The following LSAMP variants were observed in gnomAD, a reference collection of about 807,000 sequenced individuals.
LSAMP encodes the protein limbic system-associated membrane protein.
In LSAMP, 7 loss-of-function variants were observed where a neutral mutation model predicts 38.6. The observed-to-expected ratio is 0.18, with a 90% CI of 0.10 to 0.34. The LOEUF is 0.34. Ranked by LOEUF, LSAMP falls within the 10% of genes least tolerant of loss-of-function variation. The pLI, the probability that LSAMP is intolerant of heterozygous loss-of-function variation, is 1.00. For synonymous variants in LSAMP, 154 were observed against 166.8 expected (o/e 0.92, Z 0.59); for missense variants, 313 against 420.0 (o/e 0.75, Z 2.23).
chr3:116,421,431 A>T (rs925698502), intron 1 of LSAMP, among the ~76,000 whole-genome samples: 4 of 151,878 alleles, frequency 2.6e-5, no homozygotes, highest in Admixed American at 2.6e-4. Context: ...TTGGCTGGGC[A>T]TGGTGGTGGG....
At chr3:115,832,847 A>G (rs1211534372) in intron 6 of LSAMP, among the ~76,000 whole-genome samples, 1 of 152,206 alleles carries the variant, frequency 6.6e-6, no homozygotes, top group Non-Finnish European at 1.5e-5. Flanking sequence ...TCAACAGTTC[A>G]GTTTGTGGGA....
rs1320406419 is a variant in LSAMP, at chr3:115,807,144, T to C, written c.*3173A>G. On this transcript the variant is annotated 3_prime_UTR_variant, in exon 7 of 7. Transcript: ENST00000490035. Reference sequence around the variant, plus strand: ...GGGACAAGATTCTTGAAGGAATTTATTCCAATATGATTAACTAAATTCCAA... The same window carrying C: ...GGGACAAGATTCTTGAAGGAATTTACTCCAATATGATTAACTAAATTCCAA... The C allele has an allele frequency of 3.3e-5, 5 of 152,180 alleles. No individual in the cohort carries two copies. Among genetic ancestry groups the C allele is most frequent in the Admixed American group, 3.3e-4 (5 of 15,274 alleles). The allele number at this position is 152,180 out of a possible 1,614,324, so 9.4% of individuals were successfully genotyped here.
At chr3:116,136,621 C>A (rs2107509380) in intron 1 of LSAMP, among the ~76,000 whole-genome samples, 1 of 152,210 alleles carries the variant, frequency 6.6e-6, no homozygotes, top group East Asian at 1.9e-4. Flanking sequence ...CTTTGCTTTT[C>A]TCTTTTCTGC....
At chr3:116,006,976 C>T (rs1940177684) in intron 3 of LSAMP, among the ~76,000 whole-genome samples, 1 of 152,116 alleles carries the variant, frequency 6.6e-6, no homozygotes, top group South Asian at 2.1e-4. Flanking sequence ...ACTCGGCTAT[C>T]AGGCCAAAAA....
In LSAMP at chr3:115,843,505, A is replaced by G. The variant is rs144683827; in HGVS notation, c.650-927T>C. 5.5e-4 allele frequency among the ~76,000 whole-genome samples: 84 copies of G among 152,342 alleles called. 1 individual carries two copies. Among genetic ancestry groups the G allele is most frequent in the African/African-American group, 1.8e-3 (73 of 41,584 alleles). ...CAAGGAGAGAAGGCCTTTCCTGTCC[A>G]AAGGTTGTTTGCCAGAAAATGGCAA... On this transcript the variant is annotated intron_variant, in intron 4 of 6. Coordinates refer to ENST00000490035, the MANE Select transcript of LSAMP (RefSeq NM_002338.5).
intron 2 of LSAMP, among the ~76,000 whole-genome samples, chr3:116,056,293 C>T (rs1941489180): frequency 6.6e-6 from 1 of 152,134 alleles, no homozygotes; most frequent in African/African-American, 2.4e-5. Flanking sequence ...CACTAGGCCA[C>T]ATCTTTCTCA....
chr3:115,869,419 G>C (rs1461276012), intron 3 of LSAMP, among the ~76,000 whole-genome samples: 3 of 152,034 alleles, frequency 2.0e-5, no homozygotes, highest in East Asian at 3.9e-4. Flanking sequence ...AATTTAACTT[G>C]ACAACTGTTA....
At chr3:116,176,738 G>A (rs1006689087) in intron 1 of LSAMP, among the ~76,000 whole-genome samples, 5 of 152,058 alleles carry the variant, frequency 3.3e-5, no homozygotes, top group African/African-American at 1.2e-4. Context: ...AATAAATCCT[G>A]GGTCATTTTT....
At chr3:116,245,280 T>C (rs550267489) in intron 1 of LSAMP, among the ~76,000 whole-genome samples, 3 of 152,252 alleles carry the variant, frequency 2.0e-5, no homozygotes, top group African/African-American at 7.2e-5. Flanking sequence ...ACCTTGAACT[T>C]GGACTTTTAG....
chr3:115,956,953 T>G (rs1187865076), intron 3 of LSAMP, among the ~76,000 whole-genome samples: 3 of 152,208 alleles, frequency 2.0e-5, no homozygotes, highest in African/African-American at 7.2e-5. Flanking sequence ...GAACCTGAAA[T>G]CTAGCTTTTC....
At chr3:115,929,581 T>C (rs1458701864) in intron 3 of LSAMP, among the ~76,000 whole-genome samples, 4 of 152,158 alleles carry the variant, frequency 2.6e-5, no homozygotes, top group Non-Finnish European at 2.9e-5. Context: ...TTCTAAAATT[T>C]GTTGGCAGCA....
At chr3:115,839,306 C>CTTCT (rs1934917533) in intron 6 of LSAMP, among the ~76,000 whole-genome samples, 2 of 128,038 alleles carry the variant, frequency 1.6e-5, no homozygotes, top group African/African-American at 6.0e-5. Context: ...TCCTTCCTTC[C>CTTCT]TTCCTTCCTT....
intron 1 of LSAMP, among the ~76,000 whole-genome samples, chr3:116,320,688 T>C (rs2047695845): frequency 6.6e-6 from 1 of 152,152 alleles, no homozygotes; most frequent in South Asian, 2.1e-4. Context: ...TCATTCACTG[T>C]CCTCTCGACA....
chr3:115,868,013 T>G (rs539350574), intron 3 of LSAMP, among the ~76,000 whole-genome samples: 2 of 152,248 alleles, frequency 1.3e-5, no homozygotes, highest in South Asian at 2.1e-4. Flanking sequence ...AAAATATGTT[T>G]GTTTACTTGT....
chr3:116,393,348 C>T, intron 1 of LSAMP, among the ~76,000 whole-genome samples: 1 of 152,200 alleles, frequency 6.6e-6, no homozygotes, highest in East Asian at 1.9e-4. Context: ...GGGTAAACGG[C>T]TTGCAGTGCA....
intron 1 of LSAMP, among the ~76,000 whole-genome samples, chr3:116,389,904 T>G (rs555275858): frequency 1.4e-4 from 21 of 152,288 alleles, no homozygotes; most frequent in Non-Finnish European, 2.5e-4. Context: ...TGTGAAGATT[T>G]TAGCCCAAGG....
intron 1 of LSAMP, among the ~76,000 whole-genome samples, chr3:116,298,780 C>T (rs1576491536): frequency 6.6e-6 from 1 of 152,080 alleles, no homozygotes; most frequent in Non-Finnish European, 1.5e-5. Context: ...TGAATTCACA[C>T]GAGCCTATCT....
chr3:116,032,221 G>C (rs1011093878), intron 2 of LSAMP, among the ~76,000 whole-genome samples: 4 of 152,054 alleles, frequency 2.6e-5, no homozygotes, highest in African/African-American at 9.7e-5. Flanking sequence ...AATAATAAAA[G>C]TAATAATGAC....
intron 1 of LSAMP, among the ~76,000 whole-genome samples, chr3:116,316,446 T>G (rs2047630001): frequency 6.6e-6 from 1 of 151,660 alleles, no homozygotes; most frequent in African/African-American, 2.4e-5. Context: ...GAAAAGAAAG[T>G]TGGGAGAAAA....
Sources: allele counts gnomAD v4.1 joint callset (sites outside exome capture counted in the v4.1 genomes callset), GRCh38; gene constraint gnomAD v4.1.1; transcripts MANE v1.5; gene names NCBI Gene and HGNC (gene_info 2026-07-23, HGNC 2026-07-21).